The following RGPD2 variants were observed in gnomAD, a reference collection of about 807,000 sequenced individuals.
RGPD2 encodes RANBP2-like and GRIP domain-containing protein 2.
RGPD2 carries 2 observed loss-of-function variants against 36.0 expected under a neutral mutation model. That is an observed-to-expected ratio of 0.06 (90% CI 0.02 to 0.17). The LOEUF (loss-of-function observed/expected upper bound fraction) is 0.17, where lower values mean the gene tolerates loss of function less well. Ranked by LOEUF, RGPD2 falls within the 10% of genes least tolerant of loss-of-function variation. The pLI, the probability that RGPD2 is intolerant of heterozygous loss-of-function variation, is 1.00. For missense variants in RGPD2, 40 were observed against 464.3 expected (o/e 0.09, Z 8.40); for synonymous variants, 19 against 163.8 (o/e 0.12, Z 6.75).
chr2:87,882,049 C>A, the RGPD2 span, among the ~76,000 whole-genome samples: 3 of 152,180 alleles, frequency 2.0e-5, no homozygotes, highest in African/African-American at 7.2e-5. Flanking sequence ...AACCAGATGA[C>A]CATTACAAAG....
chr2:87,824,222 A>C (rs1482847205), intron 1 of RGPD2, among the ~76,000 whole-genome samples: 1 of 151,140 alleles, frequency 6.6e-6, no homozygotes, highest in Non-Finnish European at 1.5e-5. Context: ...GATTTTCACC[A>C]TGTTGGTCAG....
the RGPD2 span, among the ~76,000 whole-genome samples, chr2:87,940,300 G>A: frequency 6.6e-6 from 1 of 151,936 alleles, no homozygotes; most frequent in Admixed American, 6.6e-5. Flanking sequence ...GTAGTATTAG[G>A]AACTTAGCAT....
At chr2:87,824,033 AT>A (rs1686492015) in intron 1 of RGPD2, among the ~76,000 whole-genome samples, 1 of 120,746 alleles carries the variant, frequency 8.3e-6, no homozygotes, top group East Asian at 2.4e-4. Flanking sequence ...TTATTTTTTT[AT>A]TTTTTGGAGA....
At chr2:87,918,162 G>A in the RGPD2 span, among the ~76,000 whole-genome samples, 7 of 123,992 alleles carry the variant, frequency 5.6e-5, 1 homozygote, top group East Asian at 2.1e-4. Context: ...AAAGGTGTAC[G>A]TATAAAAATA....
chr2:87,964,305 A>G, the RGPD2 span, among the ~76,000 whole-genome samples: 1,111 of 152,098 alleles, frequency 7.3e-3, no homozygotes, highest in African/African-American at 0.026. Context: ...CATTTGCATT[A>G]ATGTCCAATG....
the RGPD2 span, among the ~76,000 whole-genome samples, chr2:87,986,408 C>G: frequency 6.0e-5 from 9 of 150,672 alleles, no homozygotes; most frequent in Admixed American, 5.3e-4. Flanking sequence ...ACTGGGATTA[C>G]AGGTGTGAGC....
At chr2:87,963,668 A>G in the RGPD2 span, among the ~76,000 whole-genome samples, 1 of 77,922 alleles carries the variant, frequency 1.3e-5, no homozygotes, top group Non-Finnish European at 2.2e-5. Flanking sequence ...TGACAGAGAA[A>G]GACCCTGTCT....
chr2:87,965,264 A>AT, the RGPD2 span, among the ~76,000 whole-genome samples: 1 of 136,946 alleles, frequency 7.3e-6, no homozygotes, highest in Non-Finnish European at 1.6e-5. Context: ...ACACCCTCTG[A>AT]AATTGTTTAG....
At chr2:87,930,669 G>A in the RGPD2 span, among the ~76,000 whole-genome samples, 1 of 151,080 alleles carries the variant, frequency 6.6e-6, no homozygotes, top group Non-Finnish European at 1.5e-5. Flanking sequence ...AGCTGGTAAA[G>A]TTCAGATTTC....
chr2:87,985,632 G>A, the RGPD2 span: 3 of 1,135,010 alleles, frequency 2.6e-6, no homozygotes, highest in East Asian at 7.6e-5. Flanking sequence ...TTTGAATATG[G>A]TACGCCTATT....
At chr2:87,809,940 G>A (rs1686110521) in intron 6 of RGPD2, among the ~76,000 whole-genome samples, 1 of 75,268 alleles carries the variant, frequency 1.3e-5, no homozygotes, top group African/African-American at 4.4e-5. Flanking sequence ...GAAGCTTGCA[G>A]TGAGCCGAGA....
At chr2:87,830,941 A>G in the RGPD2 span, among the ~76,000 whole-genome samples, 3 of 152,172 alleles carry the variant, frequency 2.0e-5, no homozygotes, top group East Asian at 1.9e-4. Flanking sequence ...CCGTCAAACC[A>G]TATCACAAAT....
the RGPD2 span, among the ~76,000 whole-genome samples, chr2:87,940,952 T>G: frequency 6.6e-6 from 1 of 151,994 alleles, no homozygotes; most frequent in Non-Finnish European, 1.5e-5. Flanking sequence ...GAACAAAGTA[T>G]GGGGACTTGT....
the RGPD2 span, among the ~76,000 whole-genome samples, chr2:87,847,205 G>A: frequency 1.4e-4 from 22 of 152,050 alleles, 1 homozygote; most frequent in South Asian, 3.1e-3. Flanking sequence ...CATGTTAAGC[G>A]TAAAACCTTT....
chr2:87,825,583 G>C, intron 1 of RGPD2, 75 bp downstream of exon 1: 1 of 1,232,270 alleles, frequency 8.1e-7, no homozygotes, highest in African/African-American at 1.7e-5. Context: ...CGGCCAGGTC[G>C]AGGCCGCCGC....
At chr2:87,958,471 A>T in the RGPD2 span, among the ~76,000 whole-genome samples, 1 of 152,252 alleles carries the variant, frequency 6.6e-6, no homozygotes, top group Non-Finnish European at 1.5e-5. Context: ...ATTCCTGCAT[A>T]TACACCACAT....
At chr2:87,971,809 A>T in the RGPD2 span, among the ~76,000 whole-genome samples, 1 of 152,186 alleles carries the variant, frequency 6.6e-6, no homozygotes, top group African/African-American at 2.4e-5. Flanking sequence ...AAAACAAAAC[A>T]AATATAAAAT....
the RGPD2 span, among the ~76,000 whole-genome samples, chr2:87,964,936 A>C: frequency 6.6e-6 from 1 of 151,776 alleles, no homozygotes; most frequent in African/African-American, 2.4e-5. Flanking sequence ...CCTAAATAGC[A>C]TATGTATAGT....
At chr2:87,868,882 A>G in the RGPD2 span, among the ~76,000 whole-genome samples, 15 of 151,812 alleles carry the variant, frequency 9.9e-5, no homozygotes, top group Non-Finnish European at 2.1e-4. Context: ...ACTCATCACC[A>G]CCTCAAATAT....
Sources: allele counts gnomAD v4.1 joint callset (sites outside exome capture counted in the v4.1 genomes callset), GRCh38; gene constraint gnomAD v4.1.1; transcripts MANE v1.5; gene names NCBI Gene and HGNC (gene_info 2026-07-23, HGNC 2026-07-21).